PLOD1: variants seen among roughly 807,000 people sequenced by gnomAD.
The protein encoded by PLOD1 is procollagen-lysine,2-oxoglutarate 5-dioxygenase 1.
In PLOD1, 70 loss-of-function variants were observed where a neutral mutation model predicts 94.7. The ratio of observed to expected loss-of-function variants is 0.74; its 90% CI spans 0.61 to 0.90. The LOEUF (loss-of-function observed/expected upper bound fraction) is 0.90. PLOD1 is among the 40% of genes least tolerant of loss of function. The pLI, the probability that PLOD1 is intolerant of heterozygous loss-of-function variation, is 0.00. For missense variants in PLOD1, 905 were observed against 972.7 expected, an observed-to-expected ratio of 0.93 and a Z score of 0.93; for synonymous variants, 417 against 400.2, an observed-to-expected ratio of 1.04 and a Z score of -0.50.
Position 11,970,723 on chromosome 1 carries a change from G to C in PLOD1, c.1809G>C (p.Met603Ile). Reference protein sequence around the residue: ...YENVPTIDIHMNQIGFEREWH... With the variant: ...YENVPTIDIHINQIGFEREWH... ...ACGTGCCGACTATTGACATCCACAT[G>C]AACCAGATCGGCTTTGAGCGGGAGT... Residue 603 changes from methionine (M) to isoleucine (I), a missense_variant, in exon 17 of 19, where the codon ATG (methionine) becomes ATC (isoleucine). Physicochemically the swap from Met to Ile is conservative, Grantham distance 10. Coordinates refer to ENST00000196061, the MANE Select transcript of PLOD1 (RefSeq NM_000302.4). The C allele has an allele frequency of 6.2e-7, 1 of 1,612,858 alleles. No individual in the cohort carries two copies. Among genetic ancestry groups the C allele is most frequent in the South Asian group, 1.1e-5 (1 of 91,034 alleles).
At position 11,963,474 on chromosome 1, in the gene PLOD1, A is replaced by G. The variant is rs1225320111; in HGVS notation, c.1098-58A>G. 1 of 1,134,546 alleles carries G rather than the reference A, an allele frequency of 8.8e-7. No homozygotes were observed. Among genetic ancestry groups the G allele is most frequent in the Non-Finnish European group, 1.3e-6 (1 of 764,458 alleles). 70.3% of individuals were successfully genotyped at this position (1,134,546 alleles called of 1,614,324 possible). ...AAGCCAGACTGTGGTCACAGATGTG[A>G]GCAGCCACCAGTAGCTCCAGGATCA... On this transcript the variant is annotated intron_variant, in intron 10 of 18. Transcript: ENST00000196061. This position sits in a 1 kb window ranked among gnomAD's most constrained non-coding sequence, Gnocchi z 4.3.
intron 1 of PLOD1, among the ~76,000 whole-genome samples, chr1:11,937,218 A>G (rs1401470111): frequency 6.6e-6 from 1 of 152,168 alleles, no homozygotes; most frequent in Non-Finnish European, 1.5e-5. Context: ...CCCAGTGGTA[A>G]AGCCGGCGGT....
At chr1:11,944,345 C>T (rs557116265) in intron 1 of PLOD1, among the ~76,000 whole-genome samples, 1 of 152,158 alleles carries the variant, frequency 6.6e-6, no homozygotes, top group East Asian at 1.9e-4. Context: ...CCACGCCACC[C>T]CATCCCCTTC....
At chr1:11,964,417 C>A in intron 12 of PLOD1, 117 bp downstream of exon 12, 1 of 1,182,052 alleles carries the variant, frequency 8.5e-7, no homozygotes, top group South Asian at 1.3e-5. Context: ...CCTGTTGAAC[C>A]TGAAGCAAGG....
Position 11,970,772 on chromosome 1 carries a change from A to G in PLOD1, c.1858A>G (p.Ile620Val), listed in dbSNP as rs1384770687. ...GTGGCACAAATTCCTGCTGGAGTACATTGCGCCCATGACGGAGAAGCTCTA... is the reference window on the plus strand; with the variant it reads ...GTGGCACAAATTCCTGCTGGAGTACGTTGCGCCCATGACGGAGAAGCTCTA... ...REWHKFLLEYIAPMTEKLYPG... is the reference protein window; with the variant it reads ...REWHKFLLEYVAPMTEKLYPG... Residue 620 changes from isoleucine (I) to valine (V), a missense_variant, in exon 17 of 19, where the codon ATT becomes GTT. Physicochemically the swap from Ile to Val is conservative, Grantham distance 29. Coordinates refer to ENST00000196061, the MANE Select transcript of PLOD1 (RefSeq NM_000302.4). 1.9e-6 allele frequency: 3 copies of G among 1,610,386 alleles called. No homozygotes were observed. The highest frequency in any genetic ancestry group is 1.4e-5 in the African/African-American group (1 of 73,732).
chr1:11,970,900 T>G (rs932791680), intron 17 of PLOD1, 84 bp downstream of exon 17: 135 of 515,018 alleles, frequency 2.6e-4, no homozygotes, highest in African/African-American at 5.1e-4. Context: ...GGGGGTAGGG[T>G]GGGAGGTGGA....
intron 1 of PLOD1, among the ~76,000 whole-genome samples, chr1:11,946,042 C>T (rs943993619): frequency 1.3e-5 from 2 of 152,106 alleles, no homozygotes; most frequent in African/African-American, 4.8e-5. Flanking sequence ...GCCGAGCATC[C>T]CAATAAAGAT....
intron 1 of PLOD1, among the ~76,000 whole-genome samples, chr1:11,938,452 C>T (rs1645594623): frequency 6.6e-6 from 1 of 151,932 alleles, no homozygotes; most frequent in African/African-American, 2.4e-5. Flanking sequence ...CCTGGGGGAG[C>T]CTGCTCAGCT....
At chr1:11,948,468 C>T (rs1173333869) in intron 2 of PLOD1, among the ~76,000 whole-genome samples, 1 of 152,142 alleles carries the variant, frequency 6.6e-6, no homozygotes, top group Non-Finnish European at 1.5e-5. Flanking sequence ...CGCACAGGGG[C>T]TCACGCCTGT....
Position 11,965,545 on chromosome 1 carries a change from C to T in PLOD1, c.1536C>T (p.Arg512=). ...LGHLLSLDSY[R]TTHLHNDLWE... is the part of the protein sequence containing the mutation. ...ATCTGCTCTCCCTAGACAGCTACCGCACCACCCACCTGCACAACGACCTCT... is the reference window on the plus strand; with the variant it reads ...ATCTGCTCTCCCTAGACAGCTACCGTACCACCCACCTGCACAACGACCTCT... The change falls in exon 14 of 19, where the codon CGC becomes CGT. Residue 512 remains arginine (R), a synonymous_variant. Transcript: ENST00000196061. 1 of 1,613,698 alleles carries T rather than the reference C, an allele frequency of 6.2e-7. No homozygotes were observed. The highest frequency in any genetic ancestry group is 8.5e-7 in the Non-Finnish European group (1 of 1,179,852).
At chr1:11,967,514 C>G (rs1645827030) in intron 16 of PLOD1, among the ~76,000 whole-genome samples, 1 of 144,816 alleles carries the variant, frequency 6.9e-6, no homozygotes, top group Non-Finnish European at 1.5e-5. Flanking sequence ...GCCCTGTGTT[C>G]TCTCCGTGAG....
intron 4 of PLOD1, among the ~76,000 whole-genome samples, chr1:11,952,122 C>T (rs2100745899): frequency 6.6e-6 from 1 of 152,346 alleles, no homozygotes; most frequent in Admixed American, 6.5e-5. Flanking sequence ...GTAGGGATGT[C>T]CCATTGCTCT....
chr1:11,960,633 TC>T lies in PLOD1; in HGVS notation c.976-9del. ...CCTCACCCCCGCATCCCCTTCCCCA[TC>T]CCCAACCCCAGGAGCAGCACCACAA... On this transcript the variant is annotated splice_polypyrimidine_tract_variant and intron_variant, in intron 9 of 18. Coordinates refer to ENST00000196061, the MANE Select transcript of PLOD1 (RefSeq NM_000302.4). 1.2e-6 allele frequency: 1 copy of T among 806,282 alleles called. No homozygotes were observed. The highest frequency in any genetic ancestry group is 2.0e-6 in the Non-Finnish European group (1 of 496,248). 49.9% of individuals were successfully genotyped at this position (806,282 alleles called of 1,614,324 possible).
chr1:11,954,335 A>C (rs945758333), intron 5 of PLOD1: 14 of 292,456 alleles, frequency 4.8e-5, no homozygotes, highest in Non-Finnish European at 8.1e-5. Context: ...AAAAAAAAAA[A>C]ATTAGCTGGG....
rs1249350812 is a variant in PLOD1, at chr1:11,957,387, G to A, written c.741+373G>A. On this transcript the variant is annotated intron_variant, in intron 7 of 18. Transcript: ENST00000196061. This position sits in a 1 kb window ranked among gnomAD's most constrained non-coding sequence, Gnocchi z 4.1. ...TAGTCATAAGCAGGACGGATGTCCT[G>A]CATTCATGGTGACAGAAGGGACTGG... Among the ~76,000 whole-genome samples, 1 of 152,190 alleles carries A rather than the reference G, an allele frequency of 6.6e-6. No homozygotes were observed. The highest frequency in any genetic ancestry group is 1.5e-5 in the Non-Finnish European group (1 of 68,024).
intron 5 of PLOD1, chr1:11,954,332 AAAAAT>A: frequency 9.6e-6 from 3 of 313,666 alleles, no homozygotes; most frequent in East Asian, 8.6e-5. Context: ...AAAAAAAAAA[AAAAAT>A]TAGCTGGGTA....
At chr1:11,950,170 G>T (rs1645689195) in intron 3 of PLOD1, among the ~76,000 whole-genome samples, 187 bp from the exon 4 acceptor site, 2 of 152,158 alleles carry the variant, frequency 1.3e-5, no homozygotes, top group Non-Finnish European at 2.9e-5. Flanking sequence ...TTTGCCCAGG[G>T]TGCGGGTGGG....
At chr1:11,966,842 CCACT>C in intron 15 of PLOD1, 141 bp from the exon 16 acceptor site, 1 of 689,638 alleles carries the variant, frequency 1.5e-6, no homozygotes, top group Non-Finnish European at 2.7e-6. Context: ...CTCCTCCTCC[CCACT>C]CAGTCTCTCC....
At chr1:11,946,953 G>A (rs563049167) in intron 1 of PLOD1, among the ~76,000 whole-genome samples, 7 of 152,162 alleles carry the variant, frequency 4.6e-5, no homozygotes, top group Non-Finnish European at 8.8e-5. Flanking sequence ...AGAGAGAGGA[G>A]GAAGTGCAAG....
Sources: gnomAD v4.1 joint callset for allele counts (sites outside exome capture counted in the v4.1 genomes callset) on GRCh38, gnomAD v4.1.1 for gene constraint, Gnocchi (gnomAD v3.1) non-coding constraint, MANE v1.5 for transcripts, NCBI Gene and HGNC (gene_info 2026-07-23, HGNC 2026-07-21) for gene names.